The following TTC13 variants were observed in gnomAD, a reference collection of about 807,000 sequenced individuals.
TTC13 encodes tetratricopeptide repeat protein 13.
TTC13 carries 62 observed loss-of-function variants against 120.0 expected under a neutral mutation model. That is an observed-to-expected ratio of 0.52 (90% CI 0.42 to 0.64). TTC13 has a LOEUF of 0.64. TTC13 is among the 30% of genes least tolerant of loss of function. The probability of loss-of-function intolerance (pLI) is 0.00; values close to 1 mark genes in which losing one functional copy is unlikely to be tolerated. For synonymous variants in TTC13, 384 were observed against 393.5 expected (o/e 0.98, Z 0.28); for missense variants, 824 against 1,050.2 (o/e 0.78, Z 2.98).
At chr1:230,919,220 T>C (rs1388196053) in intron 17 of TTC13, among the ~76,000 whole-genome samples, 1 of 151,750 alleles carries the variant, frequency 6.6e-6, no homozygotes, top group Non-Finnish European at 1.5e-5. Context: ...AGATGGGGTC[T>C]CACTCATCAC....
At position 230,952,822 on chromosome 1, in the gene TTC13, G is replaced by T. The variant is rs1339305663; in HGVS notation, c.513+1511C>A. Among the ~76,000 whole-genome samples the T allele has an allele frequency of 3.9e-5, 6 of 152,134 alleles. No individual in the cohort carries two copies. The East Asian group carries it at 1.2e-3, about 29-fold the overall frequency. ...TAAAACAAATGCATACTTTGAAAAGGCATAAATAAAAAATTTAAACAATGT... is the reference window on the plus strand; with the variant it reads ...TAAAACAAATGCATACTTTGAAAAGTCATAAATAAAAAATTTAAACAATGT... On this transcript the variant is annotated intron_variant, in intron 4 of 22. Coordinates refer to ENST00000366661, the MANE Select transcript of TTC13 (RefSeq NM_024525.5).
At chr1:230,915,941 C>T (rs1671980974) in intron 18 of TTC13, among the ~76,000 whole-genome samples, 1 of 152,086 alleles carries the variant, frequency 6.6e-6, no homozygotes. Context: ...AAGAATGTCT[C>T]CCACAAACTA....
At chr1:230,929,740 G>A (rs1673377321) in intron 11 of TTC13, among the ~76,000 whole-genome samples, 1 of 152,204 alleles carries the variant, frequency 6.6e-6, no homozygotes. Flanking sequence ...CTGGTATATA[G>A]ATTGATTGGG....
rs1297365720 is a variant in TTC13 at position 230,940,393 on chromosome 1, T to C, written c.789+47A>G. On this transcript the variant is annotated intron_variant, in intron 7 of 22. Transcript: ENST00000366661. This position sits in a 1 kb window ranked among gnomAD's most constrained non-coding sequence, Gnocchi z 4.1. The stretch of plus-strand genomic sequence containing the variant: ...TCACTTTCTGAGGTCAAGGGAAAAA[T>C]GAAATCTTCATCATCATAAAAATAC... 7.8e-7 allele frequency: 1 copy of C among 1,287,024 alleles called. No individual in the cohort carries two copies. The allele number at this position is 1,287,024 out of a possible 1,614,324, so 79.7% of individuals were successfully genotyped here.
chr1:230,938,119 T>A (rs1341734428), intron 8 of TTC13, among the ~76,000 whole-genome samples: 1 of 152,260 alleles, frequency 6.6e-6, no homozygotes, highest in African/African-American at 2.4e-5. Context: ...AAATGTCTGT[T>A]CTTTCTGCAG....
At position 230,939,479 on chromosome 1, in the gene TTC13, A is replaced by G; in HGVS notation, c.807T>C (p.His269=). The G allele has an allele frequency of 1.2e-6, 2 of 1,610,516 alleles. No individual in the cohort carries two copies. Among genetic ancestry groups the G allele is most frequent in the Middle Eastern group, 1.7e-4 (1 of 6,048 alleles). The change falls in exon 8 of 23, where the codon CAT becomes CAC. Residue 269 remains histidine (H), a synonymous_variant. Coordinates refer to ENST00000366661, the MANE Select transcript of TTC13 (RefSeq NM_024525.5). ...GTTCTAAGGACTGCTGAAAGTCTTC[A>G]TGGGCTGTTGCATAGTCCTACAAAA... The part of the protein sequence containing the change: ...YFISEDYATA[H]EDFQQSLELN...
At chr1:230,930,461 TTAAAAAAAC>T (rs1349736427) in intron 11 of TTC13, among the ~76,000 whole-genome samples, 1 of 152,120 alleles carries the variant, frequency 6.6e-6, no homozygotes, top group African/African-American at 2.4e-5. Context: ...TAGGCTTTAA[TTAAAAAAAC>T]TGTCTTCAGA....
At chr1:230,948,180 T>G (rs939143286) in intron 4 of TTC13, among the ~76,000 whole-genome samples, 2 of 152,160 alleles carry the variant, frequency 1.3e-5, no homozygotes, top group Non-Finnish European at 2.9e-5. Context: ...TCCAAATCAC[T>G]GAAATACATT....
chr1:230,924,168 G>A (rs1378691704), intron 14 of TTC13, among the ~76,000 whole-genome samples: 1 of 152,202 alleles, frequency 6.6e-6, no homozygotes, highest in Non-Finnish European at 1.5e-5. Context: ...GAATATCAAA[G>A]GTTACTCTAA....
chr1:230,970,980 C>G (rs1211077769), intron 1 of TTC13, among the ~76,000 whole-genome samples: 1 of 152,088 alleles, frequency 6.6e-6, no homozygotes, highest in Non-Finnish European at 1.5e-5. Context: ...GAAAGAACTA[C>G]CTGAAGGCCA....
intron 8 of TTC13, among the ~76,000 whole-genome samples, chr1:230,935,371 T>C (rs1673944330): frequency 6.6e-6 from 1 of 152,112 alleles, no homozygotes; most frequent in Non-Finnish European, 1.5e-5. Flanking sequence ...GGAATAGAGA[T>C]ATAAGTAAGT....
At chr1:230,961,465 T>C (rs1676634094) in intron 1 of TTC13, among the ~76,000 whole-genome samples, 162 bp from the exon 2 acceptor site, 1 of 152,178 alleles carries the variant, frequency 6.6e-6, no homozygotes, top group Non-Finnish European at 1.5e-5. Context: ...ACACCTGTAA[T>C]CCCAGCAACT....
chr1:230,954,275 G>A (rs544706875), intron 4 of TTC13, 58 bp downstream of exon 4: 1 of 1,206,188 alleles, frequency 8.3e-7, no homozygotes, highest in Non-Finnish European at 1.2e-6. Context: ...CTGTTCATTA[G>A]TCCATATTTT....
At chr1:230,925,266 A>T (rs758692748) in intron 13 of TTC13, among the ~76,000 whole-genome samples, 2 of 152,240 alleles carry the variant, frequency 1.3e-5, no homozygotes, top group East Asian at 3.8e-4. Flanking sequence ...TCCCTGGATC[A>T]GCTGTCTGAT....
rs184831027 is a variant in TTC13, at chr1:230,933,837, C to T, written c.925G>A (p.Ala309Thr). 4 of 1,606,886 alleles carry T rather than the reference C, an allele frequency of 2.5e-6. No individual in the cohort carries two copies. Among genetic ancestry groups the T allele is most frequent in the Admixed American group, 1.7e-5 (1 of 59,384 alleles). Residue 309 changes from alanine to threonine, a missense_variant, in exon 9 of 23, where the codon GCT becomes ACT. Coordinates refer to ENST00000366661, the MANE Select transcript of TTC13 (RefSeq NM_024525.5). ...ATAAAGTCAACTTTCTGCTTCAAAG[C>T]TTCTTTGAAGGATTCAATAGCTTCC... ...LKEAIESFKE[A>T]LKQKVDFIDA...
intron 22 of TTC13, 43 bp downstream of exon 22, chr1:230,908,669 T>A (rs1454461586): frequency 6.5e-6 from 10 of 1,536,536 alleles, no homozygotes; most frequent in Non-Finnish European, 9.0e-6. Flanking sequence ...CTTTTCCTCC[T>A]CCAGTTATGA....
chr1:230,909,957 G>C (rs1306791594), intron 20 of TTC13, among the ~76,000 whole-genome samples: 1 of 152,198 alleles, frequency 6.6e-6, no homozygotes, highest in Non-Finnish European at 1.5e-5. Flanking sequence ...AGAGGGAGCT[G>C]ACTGGTTTTG....
At chr1:230,968,183 G>GT (rs1677322152) in intron 1 of TTC13, among the ~76,000 whole-genome samples, 3 of 49,704 alleles carry the variant, frequency 6.0e-5, no homozygotes, top group Non-Finnish European at 1.1e-4. Flanking sequence ...TCCTATGGTG[G>GT]TGGGGGGGGG....
chr1:230,939,575 A>AG, intron 7 of TTC13, 79 bp from the exon 8 acceptor site: 1 of 966,566 alleles, frequency 1.0e-6, no homozygotes, highest in South Asian at 1.7e-5. Context: ...TGGCTGGTAG[A>AG]GAAAAAAAAT....
Sources: allele counts gnomAD v4.1 joint callset (sites outside exome capture counted in the v4.1 genomes callset), GRCh38; gene constraint gnomAD v4.1.1; non-coding constraint Gnocchi (gnomAD v3.1); transcripts MANE v1.5; gene names NCBI Gene and HGNC (gene_info 2026-07-23, HGNC 2026-07-21).